ETV5: variants seen among roughly 807,000 people sequenced by gnomAD.
ETV5 encodes the protein ETS translocation variant 5.
A neutral mutation model predicts 70.0 loss-of-function variants in ETV5; 10 were observed. The ratio of observed to expected loss-of-function variants is 0.14; its 90% confidence interval spans 0.09 to 0.24. The LOEUF (loss-of-function observed/expected upper bound fraction) is 0.24, where lower values mean the gene tolerates loss of function less well. ETV5 is among the 10% of genes least tolerant of loss of function. ETV5 has a pLI of 1.00. For synonymous variants in ETV5, 216 were observed against 242.2 expected, an observed-to-expected ratio of 0.89 and a Z score of 1.01; for missense variants, 453 against 651.2, an observed-to-expected ratio of 0.70 and a Z score of 3.31.
At chr3:186,098,708 G>A (rs1326569562) in intron 5 of ETV5, among the ~76,000 whole-genome samples, 1 of 152,202 alleles carries the variant, frequency 6.6e-6, no homozygotes, top group Non-Finnish European at 1.5e-5. Flanking sequence ...AGCGGATGGA[G>A]CCCGTCTGAC....
At position 186,100,408 on chromosome 3, in the gene ETV5, C is replaced by T. The variant is rs116666696; in HGVS notation, c.232+4897G>A. 3.1e-3 allele frequency among the ~76,000 whole-genome samples: 471 copies of T among 152,310 alleles called. 1 individual carries two copies. Among genetic ancestry groups the T allele is most frequent in the Middle Eastern group, 0.014 (4 of 294 alleles). On this transcript the variant is annotated intron_variant, in intron 5 of 12. Coordinates refer to ENST00000306376, the MANE Select transcript of ETV5 (RefSeq NM_004454.3). ...AGCAAGAAAACGTGGTGTTTTGCTA[C>T]ACCACACCTAGGACCAAAGACCAAA...
chr3:186,099,578 T>C (rs1461886503), intron 5 of ETV5, among the ~76,000 whole-genome samples: 6 of 152,194 alleles, frequency 3.9e-5, no homozygotes, highest in Admixed American at 2.0e-4. Context: ...AAGAAATGTG[T>C]GGAGGGAACA....
intron 7 of ETV5, among the ~76,000 whole-genome samples, chr3:186,071,620 G>A (rs542245572): frequency 1.3e-5 from 2 of 152,220 alleles, no homozygotes; most frequent in South Asian, 4.1e-4. Context: ...ATCTTCAACT[G>A]CCCCACCTTC....
chr3:186,072,716 C>T (rs1401209246), intron 7 of ETV5, among the ~76,000 whole-genome samples: 3 of 152,210 alleles, frequency 2.0e-5, no homozygotes, highest in Non-Finnish European at 4.4e-5. Context: ...GAACAAAAAG[C>T]ATGTCCTTTG....
At chr3:186,084,193 G>C in intron 5 of ETV5, 1 of 451,110 alleles carries the variant, frequency 2.2e-6, no homozygotes, top group Non-Finnish European at 4.4e-6. Context: ...CTTGCTAAAT[G>C]ATGACAGAGA....
chr3:186,093,143 G>C (rs1458768868), intron 5 of ETV5, among the ~76,000 whole-genome samples: 1 of 152,200 alleles, frequency 6.6e-6, no homozygotes, highest in African/African-American at 2.4e-5. Context: ...GGGACCCCCA[G>C]GTTGTAGCTT....
intron 1 of ETV5, among the ~76,000 whole-genome samples, chr3:186,107,713 A>G (rs992708512): frequency 6.6e-6 from 1 of 151,780 alleles, no homozygotes; most frequent in Non-Finnish European, 1.5e-5. Context: ...AGCACAGCGC[A>G]GCGGCGCGAT....
At chr3:186,100,567 T>C (rs936649534) in intron 5 of ETV5, among the ~76,000 whole-genome samples, 2 of 152,258 alleles carry the variant, frequency 1.3e-5, no homozygotes, top group African/African-American at 2.4e-5. Context: ...AGGGCTGTCA[T>C]AACAGTTAAT....
chr3:186,076,445 G>T (rs1042241270), intron 7 of ETV5: 1 of 186,582 alleles, frequency 5.4e-6, no homozygotes, highest in Non-Finnish European at 1.1e-5. Flanking sequence ...ACTCCCAGGA[G>T]GTCACCATAT....
intron 12 of ETV5, among the ~76,000 whole-genome samples, chr3:186,050,824 C>T (rs1713010248): frequency 6.6e-6 from 1 of 152,012 alleles, no homozygotes; most frequent in Non-Finnish European, 1.5e-5. Context: ...AAGGGGACCA[C>T]CTAACCCAAT....
Position 186,092,953 on chromosome 3 carries a change from C to T in ETV5, c.233-11778G>A, listed in dbSNP as rs570941480. 2.6e-5 allele frequency among the ~76,000 whole-genome samples: 4 copies of T among 152,254 alleles called. No individual in the cohort carries two copies. In the South Asian group the frequency reaches 8.3e-4, roughly 32 times the overall value. ...TTGCTTTCTCTGGGGGAAATGCTGGCTGTATATAGAACTGGTGCTTTGAAG... is the reference window on the plus strand; with the variant it reads ...TTGCTTTCTCTGGGGGAAATGCTGGTTGTATATAGAACTGGTGCTTTGAAG... On this transcript the variant is annotated intron_variant, in intron 5 of 12. Transcript: ENST00000306376.
At chr3:186,058,391 T>G (rs1214822962) in intron 9 of ETV5, among the ~76,000 whole-genome samples, 2 of 152,210 alleles carry the variant, frequency 1.3e-5, no homozygotes, top group Non-Finnish European at 2.9e-5. Context: ...TGCATACTCC[T>G]TTACCAGCAC....
chr3:186,063,602 T>C (rs1713363045), intron 9 of ETV5, among the ~76,000 whole-genome samples: 1 of 152,212 alleles, frequency 6.6e-6, no homozygotes, highest in South Asian at 2.1e-4. Flanking sequence ...TAAAAATAAA[T>C]GTTAGGATAT....
At chr3:186,068,251 T>C (rs79587697) in intron 7 of ETV5, among the ~76,000 whole-genome samples, 11,150 of 152,230 alleles carry the variant, frequency 0.073, 1,023 homozygotes, top group East Asian at 0.47. Flanking sequence ...AATTACATAA[T>C]ATGTAAATAT....
chr3:186,087,292 G>C (rs1016315739), intron 5 of ETV5, among the ~76,000 whole-genome samples: 2 of 152,132 alleles, frequency 1.3e-5, no homozygotes, highest in Non-Finnish European at 2.9e-5. Flanking sequence ...TTCAAAAAAA[G>C]ACAAAACTAA....
At chr3:186,051,964 C>T (rs772578845) in intron 12 of ETV5, 66 bp downstream of exon 12, 2 of 1,512,226 alleles carry the variant, frequency 1.3e-6, no homozygotes, top group South Asian at 2.3e-5. Context: ...AGTCTCACTA[C>T]AGAAGCCCTG....
At chr3:186,076,496 G>A (rs1289058328) in intron 7 of ETV5, 2 of 182,968 alleles carry the variant, frequency 1.1e-5, no homozygotes, top group Non-Finnish European at 2.3e-5. Context: ...GATCGGCATA[G>A]TGTACTACAG....
At chr3:186,086,238 T>C (rs1336080174) in intron 5 of ETV5, among the ~76,000 whole-genome samples, 1 of 152,248 alleles carries the variant, frequency 6.6e-6, no homozygotes, top group African/African-American at 2.4e-5. Context: ...CACAATCAAG[T>C]ACATGTATTG....
At chr3:186,051,956 T>C in intron 12 of ETV5, 74 bp downstream of exon 12, 1 of 1,416,066 alleles carries the variant, frequency 7.1e-7, no homozygotes. Context: ...CGATCACCAG[T>C]CTCACTACAG....
Sources: allele counts gnomAD v4.1 joint callset (sites outside exome capture counted in the v4.1 genomes callset), GRCh38; gene constraint gnomAD v4.1.1; transcripts MANE v1.5; gene names NCBI Gene and HGNC (gene_info 2026-07-23, HGNC 2026-07-21).